Variants in ZNF503 observed in about 807,000 individuals in gnomAD.
The protein encoded by ZNF503 is zinc finger protein 503, also known as NocA-like zinc finger 2.
A neutral mutation model predicts 34.4 loss-of-function variants in ZNF503; 15 were observed. The ratio of observed to expected loss-of-function variants is 0.44; its 90% CI spans 0.29 to 0.67. The LOEUF is 0.67. Among genes scored for constraint, ZNF503 ranks in the 30% least tolerant of loss-of-function variants. ZNF503 has a pLI of 0.13. For synonymous variants in ZNF503, 580 were observed against 456.8 expected, an observed-to-expected ratio of 1.27 and a Z score of -3.44; for missense variants, 1,007 against 926.8, an observed-to-expected ratio of 1.09 and a Z score of -1.12.
the ZNF503 span, among the ~76,000 whole-genome samples, chr10:75,308,251 C>G: frequency 6.9e-6 from 1 of 144,082 alleles, no homozygotes; most frequent in South Asian, 2.2e-4. Context: ...CAAGACAGCA[C>G]ATCTGTTTAC....
rs1168798299 is a variant in ZNF503, at chr10:75,399,825, C to G, written c.865G>C (p.Gly289Arg). Reference sequence around the variant, plus strand: ...TGCTGGTTCACATCCACATTAATCCCGCCGCCGCAGCTAATCCGGCCGTGT... The same window carrying G: ...TGCTGGTTCACATCCACATTAATCCGGCCGCCGCAGCTAATCCGGCCGTGT... ...LAHGRISCGGGINVDVNQHPD... is the reference protein window; with the variant it reads ...LAHGRISCGGRINVDVNQHPD... Residue 289 changes from glycine to arginine, a missense_variant, in exon 2 of 2, where the codon GGG becomes CGG. Physicochemically the swap from Gly to Arg is moderately radical, Grantham distance 125 (BLOSUM62 -2). Transcript: ENST00000372524. 1 of 1,603,890 alleles carries G rather than the reference C, an allele frequency of 6.2e-7. No homozygotes were observed.
downstream of ZNF503, among the ~76,000 whole-genome samples, chr10:75,394,223 T>C (rs1292788934): frequency 6.6e-6 from 1 of 152,260 alleles, no homozygotes; most frequent in African/African-American, 2.4e-5. Context: ...GGAGGTGTGT[T>C]GTACAGATTA....
chr10:75,374,139 C>T, the ZNF503 span, among the ~76,000 whole-genome samples: 1 of 152,128 alleles, frequency 6.6e-6, no homozygotes, highest in African/African-American at 2.4e-5. Flanking sequence ...GATGGTGAAA[C>T]CCAGTCTACT....
chr10:75,314,236 C>CAAAAAAAAAAAAAAA, the ZNF503 span, among the ~76,000 whole-genome samples: 2 of 89,810 alleles, frequency 2.2e-5, no homozygotes, highest in Admixed American at 1.3e-4. Context: ...GACTCCGTCT[C>CAAAAAAAAAAAAAAA]AAAAAAAAAA....
chr10:75,345,489 G>A, the ZNF503 span, among the ~76,000 whole-genome samples: 1 of 151,846 alleles, frequency 6.6e-6, no homozygotes, highest in Non-Finnish European at 1.5e-5. Context: ...ACAAAAATTA[G>A]CCAGGCGTTG....
chr10:75,296,079 A>G, the ZNF503 span, among the ~76,000 whole-genome samples: 1 of 152,308 alleles, frequency 6.6e-6, no homozygotes, highest in South Asian at 2.1e-4. Context: ...AACAAACCTA[A>G]TTATAGCCCC....
At position 75,398,859 on chromosome 10, in the gene ZNF503, G is replaced by T. The variant is rs1393523786; in HGVS notation, c.1831C>A (p.Pro611Thr). 14 of 1,512,126 alleles carry T rather than the reference G, an allele frequency of 9.3e-6. No individual in the cohort carries two copies. The highest frequency in any genetic ancestry group is 1.1e-5 in the Non-Finnish European group (13 of 1,135,146). 93.7% of individuals were successfully genotyped at this position (1,512,126 alleles called of 1,614,324 possible). ...ACCGGCACGGGGGCGCCAGGCGTGG[G>T]AAGCGGGCTCTTGGAGTAGGGGTGG... is the stretch of plus-strand genomic sequence containing the variant. ...RYHPYSKSPL[P>T]TPGAPVPVPA... Residue 611 changes from proline to threonine, a missense_variant, in exon 2 of 2, where the codon CCC becomes ACC. Physicochemically the swap from Pro to Thr is conservative, Grantham distance 38. Transcript: ENST00000372524.
chr10:75,387,341 C>T, the ZNF503 span, among the ~76,000 whole-genome samples: 20 of 152,202 alleles, frequency 1.3e-4, no homozygotes, highest in Non-Finnish European at 2.6e-4. Context: ...GAATTTCAGC[C>T]CCACCACTTT....
At chr10:75,336,247 T>C in the ZNF503 span, among the ~76,000 whole-genome samples, 3 of 152,182 alleles carry the variant, frequency 2.0e-5, no homozygotes, top group Non-Finnish European at 2.9e-5. Flanking sequence ...GTTCTTCTGC[T>C]TTTCCTGTGC....
the ZNF503 span, among the ~76,000 whole-genome samples, chr10:75,280,828 A>T: frequency 6.6e-6 from 1 of 152,172 alleles, no homozygotes; most frequent in Non-Finnish European, 1.5e-5. Context: ...ACTCCTCTGA[A>T]AAAAGGAACA....
the ZNF503 span, among the ~76,000 whole-genome samples, chr10:75,302,723 A>G: frequency 1.3e-5 from 2 of 152,130 alleles, no homozygotes; most frequent in African/African-American, 2.4e-5. Context: ...CAGAACTGCA[A>G]CCTCAGATTG....
the ZNF503 span, among the ~76,000 whole-genome samples, chr10:75,384,215 CT>C: frequency 6.6e-6 from 1 of 151,982 alleles, no homozygotes; most frequent in African/African-American, 2.4e-5. Context: ...TCCAGCCCCC[CT>C]CTCTCCCTCC....
the ZNF503 span, among the ~76,000 whole-genome samples, chr10:75,329,457 TTCTC>T: frequency 0.28 from 38,607 of 135,580 alleles, 5,814 homozygotes; most frequent in South Asian, 0.4. Flanking sequence ...CTTTCTTTCT[TTCTC>T]TTTCTTTCTT....
At chr10:75,320,341 C>T in the ZNF503 span, among the ~76,000 whole-genome samples, 5 of 151,588 alleles carry the variant, frequency 3.3e-5, no homozygotes, top group African/African-American at 7.3e-5. Flanking sequence ...AATTAGCTGG[C>T]GTGGTGGATT....
At chr10:75,354,245 C>T in the ZNF503 span, among the ~76,000 whole-genome samples, 2 of 152,284 alleles carry the variant, frequency 1.3e-5, no homozygotes, top group East Asian at 1.9e-4. Flanking sequence ...CCCCACAACA[C>T]AATTTTGGAG....
the ZNF503 span, among the ~76,000 whole-genome samples, chr10:75,310,678 C>G: frequency 6.6e-6 from 1 of 152,186 alleles, no homozygotes; most frequent in Non-Finnish European, 1.5e-5. Context: ...GCAGTACCTT[C>G]CTGCAGTCTA....
In ZNF503 at chr10:75,399,466, G is replaced by C. The variant is rs1443624089; in HGVS notation, c.1224C>G (p.Ala408=). 6 of 1,582,818 alleles carry C rather than the reference G, an allele frequency of 3.8e-6. No homozygotes were observed. Among genetic ancestry groups the C allele is most frequent in the Non-Finnish European group, 5.1e-6 (6 of 1,170,884 alleles). ...AAGSLGCSKP[A]GSSPLAGASP... ...ACGCTCCGGCCAAAGGGCTGGAGCC[G>C]GCCGGCTTACTGCAGCCCAGAGACC... Residue 408 remains alanine, a synonymous_variant, in exon 2 of 2, where the codon GCC becomes GCG. Coordinates refer to ENST00000372524, the MANE Select transcript of ZNF503 (RefSeq NM_032772.6).
the ZNF503 span, chr10:75,284,080 G>A: frequency 6.6e-6 from 1 of 151,924 alleles, no homozygotes; most frequent in Admixed American, 6.6e-5. Flanking sequence ...ACTGTGAGAA[G>A]GGCCTGTCTG....
At chr10:75,349,145 G>A in the ZNF503 span, among the ~76,000 whole-genome samples, 2 of 152,184 alleles carry the variant, frequency 1.3e-5, no homozygotes, top group African/African-American at 4.8e-5. Flanking sequence ...TTGCTACAAT[G>A]TAACATAAGT....
Sources: gnomAD v4.1 joint callset for allele counts (sites outside exome capture counted in the v4.1 genomes callset) on GRCh38, gnomAD v4.1.1 for gene constraint, MANE v1.5 for transcripts, NCBI Gene and HGNC (gene_info 2026-07-23, HGNC 2026-07-21) for gene names.